PCDH15: variants seen among roughly 807,000 people sequenced by gnomAD.
PCDH15 encodes the protein protocadherin related 15.
PCDH15 carries 129 observed loss-of-function variants against 178.5 expected under a neutral mutation model. The observed-to-expected ratio is 0.72, with a 90% confidence interval of 0.63 to 0.84. The LOEUF is 0.84. PCDH15 is among the 40% of genes least tolerant of loss of function. The pLI is 0.00. For missense variants in PCDH15, 2,230 were observed against 2,099.9 expected (o/e 1.06, Z -1.21); for synonymous variants, 800 against 732.0 (o/e 1.09, Z -1.50).
At chr10:53,859,080 AG>A (rs1564625867) in intron 27 of PCDH15, among the ~76,000 whole-genome samples, 1 of 151,888 alleles carries the variant, frequency 6.6e-6, no homozygotes, top group African/African-American at 2.4e-5. Flanking sequence ...GTTAAAAAAA[AG>A]TTTTGATAAA....
chr10:54,151,388 T>C (rs537851615), intron 14 of PCDH15, among the ~76,000 whole-genome samples: 1 of 152,042 alleles, frequency 6.6e-6, no homozygotes, highest in South Asian at 2.1e-4. Context: ...AAATTTGTTT[T>C]TAATTAGCTA....
At chr10:54,119,867 C>A (rs1391474608) in intron 15 of PCDH15, among the ~76,000 whole-genome samples, 1 of 151,152 alleles carries the variant, frequency 6.6e-6, no homozygotes, top group Non-Finnish European at 1.5e-5. Context: ...TGGTTTGCTG[C>A]ACTCATCCAC....
chr10:55,428,453 G>A (rs1838808942), intron 2 of PCDH15, among the ~76,000 whole-genome samples: 1 of 151,506 alleles, frequency 6.6e-6, no homozygotes, highest in Admixed American at 6.6e-5. Flanking sequence ...TACTCTACCT[G>A]TATTTTTGCT....
At chr10:53,828,207 C>CAAAAAAAAAAAAAAAAAAAAA (rs71004480) in intron 31 of PCDH15, among the ~76,000 whole-genome samples, 5 of 53,754 alleles carry the variant, frequency 9.3e-5, no homozygotes, top group African/African-American at 3.6e-4. Context: ...AAGTCCGTCT[C>CAAAAAAAAAAAAAAAAAAAAA]AAAAAAAAAA....
intron 2 of PCDH15, among the ~76,000 whole-genome samples, chr10:55,429,817 A>C (rs896106351): frequency 8.5e-5 from 13 of 152,180 alleles, no homozygotes; most frequent in Non-Finnish European, 7.4e-5. Context: ...ATTATTTTTA[A>C]TAAGTAATCA....
At chr10:55,248,248 G>T (rs1463556670) in intron 1 of PCDH15, among the ~76,000 whole-genome samples, 2 of 151,256 alleles carry the variant, frequency 1.3e-5, no homozygotes, top group African/African-American at 4.9e-5. Context: ...CTATATATCA[G>T]ATTTTATGAT....
intron 2 of PCDH15, among the ~76,000 whole-genome samples, chr10:55,499,464 C>T (rs1012645514): frequency 6.8e-6 from 1 of 146,028 alleles, no homozygotes; most frequent in Middle Eastern, 3.4e-3. Flanking sequence ...AATAATGTTG[C>T]ATCTCTCACC....
At chr10:54,819,114 G>A (rs1375889355) in intron 3 of PCDH15, among the ~76,000 whole-genome samples, 3 of 151,842 alleles carry the variant, frequency 2.0e-5, no homozygotes, top group African/African-American at 7.3e-5. Flanking sequence ...TTTCAGAACA[G>A]CATCTAGGGA....
intron 2 of PCDH15, among the ~76,000 whole-genome samples, chr10:55,096,164 A>T (rs1842446161): frequency 6.6e-6 from 1 of 152,150 alleles, no homozygotes. Context: ...ACATGAAAAA[A>T]AATTCTATAA....
At chr10:54,593,373 C>A (rs2092003979) in intron 2 of PCDH15, among the ~76,000 whole-genome samples, 1 of 151,628 alleles carries the variant, frequency 6.6e-6, no homozygotes, top group Admixed American at 6.6e-5. Context: ...AAGAGCTTAT[C>A]TTCATTTTTC....
chr10:54,517,164 A>G (rs1170290492), intron 3 of PCDH15, among the ~76,000 whole-genome samples: 3 of 152,192 alleles, frequency 2.0e-5, no homozygotes, highest in Admixed American at 6.5e-5. Context: ...AACGAGCAAA[A>G]TAACCAGCTA....
At chr10:55,472,652 T>C (rs553480551) in intron 2 of PCDH15, among the ~76,000 whole-genome samples, 1 of 152,196 alleles carries the variant, frequency 6.6e-6, no homozygotes, top group Non-Finnish European at 1.5e-5. Context: ...AACTGCAAGC[T>C]CCACCTACCG....
chr10:55,489,704 T>A (rs2132126758), intron 2 of PCDH15, among the ~76,000 whole-genome samples: 1 of 151,802 alleles, frequency 6.6e-6, no homozygotes, highest in East Asian at 2.0e-4. Flanking sequence ...GGTCTTCTAT[T>A]TTTCTGCCAC....
At chr10:54,869,375 T>G (rs1249722339) in intron 3 of PCDH15, among the ~76,000 whole-genome samples, 1 of 152,146 alleles carries the variant, frequency 6.6e-6, no homozygotes, top group African/African-American at 2.4e-5. Flanking sequence ...TCCAGATAAA[T>G]AAGGGAATAA....
chr10:54,390,692 C>T (rs1950450183), intron 3 of PCDH15, among the ~76,000 whole-genome samples: 1 of 152,024 alleles, frequency 6.6e-6, no homozygotes, highest in African/African-American at 2.4e-5. Context: ...GCCCTAGAAT[C>T]AATGAGAGAT....
At chr10:54,363,871 TA>T (rs200348212) in intron 5 of PCDH15, among the ~76,000 whole-genome samples, 2,685 of 152,282 alleles carry the variant, frequency 0.018, 87 homozygotes, top group African/African-American at 0.061. Context: ...GGATTACTTT[TA>T]AAAATTTCAT....
chr10:54,656,940 T>A (rs559124842), intron 2 of PCDH15, among the ~76,000 whole-genome samples: 1 of 152,154 alleles, frequency 6.6e-6, no homozygotes, highest in African/African-American at 2.4e-5. Flanking sequence ...TGGTGTAAAC[T>A]TTTCCAGTGG....
intron 21 of PCDH15, among the ~76,000 whole-genome samples, chr10:53,969,834 G>A (rs2089481380): frequency 6.6e-6 from 1 of 152,158 alleles, no homozygotes; most frequent in Non-Finnish European, 1.5e-5. Flanking sequence ...CACCAGGCAT[G>A]CCTTACAAGA....
At chr10:54,772,138 T>C (rs974881832) in intron 1 of PCDH15, among the ~76,000 whole-genome samples, 1 of 152,164 alleles carries the variant, frequency 6.6e-6, no homozygotes, top group African/African-American at 2.4e-5. Context: ...AATTTACAAA[T>C]TTCAAATAAA....
Sources: gnomAD v4.1 joint callset for allele counts (sites outside exome capture counted in the v4.1 genomes callset) on GRCh38, gnomAD v4.1.1 for gene constraint, MANE v1.5 for transcripts, NCBI Gene and HGNC (gene_info 2026-07-23, HGNC 2026-07-21) for gene names.